Variants in CNTNAP5 observed in about 807,000 individuals in gnomAD.
CNTNAP5 encodes contactin-associated protein-like 5.
CNTNAP5 carries 72 observed loss-of-function variants against 150.2 expected under a neutral mutation model. That is an observed-to-expected ratio of 0.48 (90% CI 0.40 to 0.58). The LOEUF is 0.58. Among genes scored for constraint, CNTNAP5 ranks in the 20% least tolerant of loss-of-function variants. CNTNAP5 has a pLI of 0.00. For missense variants in CNTNAP5, 1,636 were observed against 1,626.2 expected, an observed-to-expected ratio of 1.01 and a Z score of -0.10; for synonymous variants, 672 against 619.8, an observed-to-expected ratio of 1.08 and a Z score of -1.25.
intron 6 of CNTNAP5, among the ~76,000 whole-genome samples, chr2:124,467,179 T>C (rs1255309987): frequency 6.6e-6 from 1 of 152,204 alleles, no homozygotes; most frequent in East Asian, 1.9e-4. Flanking sequence ...CCTATGCAGA[T>C]ATTGGTCAAT....
intron 6 of CNTNAP5, among the ~76,000 whole-genome samples, chr2:124,448,758 A>T (rs1186944814): frequency 6.6e-6 from 1 of 152,258 alleles, no homozygotes; most frequent in Admixed American, 6.5e-5. Context: ...TAAGTGCTAC[A>T]GATAAAATTA....
chr2:124,457,462 G>GA (rs1459527861), intron 6 of CNTNAP5, among the ~76,000 whole-genome samples: 4 of 151,284 alleles, frequency 2.6e-5, no homozygotes, highest in South Asian at 2.1e-4. Context: ...AAATTAGCAA[G>GA]AAAAAAAAGA....
At chr2:124,828,509 A>G (rs1181270643) in intron 19 of CNTNAP5, among the ~76,000 whole-genome samples, 4 of 151,904 alleles carry the variant, frequency 2.6e-5, no homozygotes, top group Non-Finnish European at 4.4e-5. Context: ...ATAAAAATAC[A>G]TAAGTTATTA....
At chr2:124,071,631 C>T (rs941761859) in intron 1 of CNTNAP5, among the ~76,000 whole-genome samples, 1 of 151,718 alleles carries the variant, frequency 6.6e-6, no homozygotes, top group African/African-American at 2.4e-5. Flanking sequence ...AATTCCTAGA[C>T]ATACACAGCC....
chr2:124,390,204 A>G (rs1691075043), intron 3 of CNTNAP5, among the ~76,000 whole-genome samples: 1 of 152,170 alleles, frequency 6.6e-6, no homozygotes, highest in Admixed American at 6.5e-5. Context: ...GCTGACAGTC[A>G]ACTCCTAGAT....
At chr2:124,369,502 A>C (rs1690463407) in intron 3 of CNTNAP5, among the ~76,000 whole-genome samples, 1 of 152,170 alleles carries the variant, frequency 6.6e-6, no homozygotes, top group Admixed American at 6.5e-5. Flanking sequence ...AGGAAGAGAC[A>C]TAGGCATTGG....
chr2:124,228,739 T>C (rs183321186), intron 2 of CNTNAP5, among the ~76,000 whole-genome samples: 1 of 152,334 alleles, frequency 6.6e-6, no homozygotes, highest in Non-Finnish European at 1.5e-5. Context: ...GTTCATTTAT[T>C]ACAGTAATTA....
At chr2:124,663,069 C>T (rs953360365) in intron 13 of CNTNAP5, among the ~76,000 whole-genome samples, 3 of 152,100 alleles carry the variant, frequency 2.0e-5, no homozygotes, top group African/African-American at 4.8e-5. Context: ...CCTTCGAATC[C>T]CGTGAGGTGT....
chr2:124,860,489 TTCC>T (rs1677498616), intron 19 of CNTNAP5, among the ~76,000 whole-genome samples: 4 of 109,276 alleles, frequency 3.7e-5, no homozygotes, highest in Non-Finnish European at 3.6e-5. Context: ...CCTTCCTTCC[TTCC>T]TTCCTTCCTT....
At chr2:124,410,262 T>C (rs1691714049) in intron 3 of CNTNAP5, among the ~76,000 whole-genome samples, 2 of 146,884 alleles carry the variant, frequency 1.4e-5, no homozygotes, top group Non-Finnish European at 1.5e-5. Context: ...AGACTTAGAC[T>C]CCCACACATT....
intron 3 of CNTNAP5, among the ~76,000 whole-genome samples, chr2:124,315,006 G>T (rs1488957939): frequency 2.0e-5 from 3 of 150,604 alleles, no homozygotes; most frequent in Admixed American, 2.0e-4. Context: ...TTTTGATGGG[G>T]TGTTGCTCTG....
rs906615917 is a variant in CNTNAP5, at chr2:124,242,548, C to G, written c.381+155C>G. The G allele has an allele frequency of 1.2e-5, 8 of 680,078 alleles. No homozygotes were observed. In the African/African-American group the frequency reaches 1.5e-4, roughly 12 times the overall value. 42.1% of individuals were successfully genotyped at this position (680,078 alleles called of 1,614,324 possible). On this transcript the variant is annotated intron_variant, in intron 3 of 23. Transcript: ENST00000682447. ...TTAGACAATTTTTAAGGCCCATGCC[C>G]GGCATGGTTCTACTTCCTAGGAAAA...
chr2:124,272,021 C>T (rs72962885), intron 3 of CNTNAP5, among the ~76,000 whole-genome samples: 204 of 152,038 alleles, frequency 1.3e-3, no homozygotes, highest in African/African-American at 4.6e-3. Flanking sequence ...GGCCTAATTT[C>T]CTTCATTTTA....
chr2:124,731,864 GTA>G (rs979194716), intron 13 of CNTNAP5, among the ~76,000 whole-genome samples: 4 of 151,808 alleles, frequency 2.6e-5, no homozygotes, highest in Admixed American at 6.6e-5. Context: ...GAGTGTGAGT[GTA>G]TGTGTGTGTG....
rs558772975 is a variant in CNTNAP5, at chr2:124,254,574, G to A, written c.381+12181G>A. On this transcript the variant is annotated intron_variant, in intron 3 of 23. Coordinates refer to ENST00000682447, the MANE Select transcript of CNTNAP5 (RefSeq NM_001367498.1). The stretch of plus-strand genomic sequence containing the variant: ...ATCTGGAAACAAGGTAAACCACCAG[G>A]AGAGCCAGAAATTTAACAATGACCA... 4.6e-5 allele frequency among the ~76,000 whole-genome samples: 7 copies of A among 152,304 alleles called. No homozygotes were observed. The South Asian group carries it at 1.5e-3, about 32-fold the overall frequency.
chr2:124,730,049 T>C (rs1349022406), intron 13 of CNTNAP5, among the ~76,000 whole-genome samples: 1 of 152,080 alleles, frequency 6.6e-6, no homozygotes, highest in Admixed American at 6.6e-5. Flanking sequence ...TGAGTGCTAA[T>C]GTAGTATATC....
At chr2:124,182,894 T>G (rs1685243126) in intron 1 of CNTNAP5, among the ~76,000 whole-genome samples, 1 of 152,198 alleles carries the variant, frequency 6.6e-6, no homozygotes, top group Non-Finnish European at 1.5e-5. Flanking sequence ...ATTTCACTAT[T>G]ACATTTCTGA....
chr2:124,504,616 G>A, intron 8 of CNTNAP5, 60 bp downstream of exon 8: 1 of 1,541,154 alleles, frequency 6.5e-7, no homozygotes, highest in Non-Finnish European at 8.9e-7. Flanking sequence ...AAAGGTTGAG[G>A]TCCTGACAAA....
At chr2:124,453,886 T>TAA (rs768652164) in intron 6 of CNTNAP5, among the ~76,000 whole-genome samples, 1 of 152,054 alleles carries the variant, frequency 6.6e-6, no homozygotes, top group East Asian at 1.9e-4. Flanking sequence ...AAAGGAGCTC[T>TAA]AAATCTTGAA....
Sources: gnomAD v4.1 joint callset for allele counts (sites outside exome capture counted in the v4.1 genomes callset) on GRCh38, gnomAD v4.1.1 for gene constraint, MANE v1.5 for transcripts, NCBI Gene and HGNC (gene_info 2026-07-23, HGNC 2026-07-21) for gene names.